Variants in TMEM198 observed in about 807,000 individuals in gnomAD.
TMEM198 encodes the protein transmembrane protein 198.
In TMEM198, 21 loss-of-function variants were observed where a neutral mutation model predicts 31.5. The ratio of observed to expected loss-of-function variants is 0.67; its 90% CI spans 0.47 to 0.96. The LOEUF (loss-of-function observed/expected upper bound fraction) is 0.96, where lower values mean the gene tolerates loss of function less well. Among genes scored for constraint, TMEM198 ranks in the 40% least tolerant of loss-of-function variants. TMEM198 has a pLI of 0.00. For missense variants in TMEM198, 447 were observed against 499.4 expected, an observed-to-expected ratio of 0.89 and a Z score of 1.00; for synonymous variants, 211 against 223.3, an observed-to-expected ratio of 0.95 and a Z score of 0.49.
Position 219,547,558 on chromosome 2 carries a change from G to A in TMEM198, c.219G>A (p.Ser73=), listed in dbSNP as rs201830849. The part of the protein sequence containing the change: ...VLFLTGLLFG[S]VVIFLLCYRE... ...TTCTCACTGGGTTGCTGTTTGGCTC[G>A]GTGGTCATCTTCCTCCTCTGCTACC... Residue 73 remains serine (S), a synonymous_variant, in exon 3 of 5, where the codon TCG becomes TCA. Transcript: ENST00000373883. The A allele has an allele frequency of 8.2e-6, 12 of 1,461,432 alleles. No homozygotes were observed. The highest frequency in any genetic ancestry group is 2.9e-5 in the African/African-American group (2 of 69,050). The allele number at this position is 1,461,432 out of a possible 1,614,324, so 90.5% of individuals were successfully genotyped here. A position where few individuals can be genotyped will look rare whatever the true frequency, so the allele number is the denominator to read the frequency against.
chr2:219,549,982 T>C lies in TMEM198; in HGVS notation c.*128T>C, dbSNP rs868260033. ...GCCTGGAGAGGGCTGGCCTGGTCAC[T>C]AGAAGGGAGGATTGTCTCAGGCGAG... On this transcript the variant is annotated 3_prime_UTR_variant, in exon 5 of 5. Coordinates refer to ENST00000373883, the MANE Select transcript of TMEM198 (RefSeq NM_001005209.3). The C allele has an allele frequency of 6.2e-5, 78 of 1,260,456 alleles. 1 individual carries two copies. The Middle Eastern group carries it at 1.1e-3, about 17-fold the overall frequency. The allele number at this position is 1,260,456 out of a possible 1,614,324, so 78.1% of individuals were successfully genotyped here. A position where few individuals can be genotyped will look rare whatever the true frequency, so the allele number is the denominator to read the frequency against.
At chr2:219,549,448 C>G in intron 4 of TMEM198, 94 bp downstream of exon 4, 1 of 1,432,536 alleles carries the variant, frequency 7.0e-7, no homozygotes, top group Non-Finnish European at 9.4e-7. Flanking sequence ...TGGTTGCTAT[C>G]TAGAAGGCCT....
rs548504820 is a variant in TMEM198 at position 219,550,063 on chromosome 2, C to T, written c.*209C>T. On this transcript the variant is annotated 3_prime_UTR_variant, in exon 5 of 5. Transcript: ENST00000373883. ...GCTCCCAAGAGGCTCCTGAGGAACT[C>T]GGGGTGTGAACCCCATTGGGGTGTG... 2.8e-5 allele frequency: 18 copies of T among 634,174 alleles called. No homozygotes were observed. Among genetic ancestry groups the T allele is most frequent in the South Asian group, 2.0e-4 (9 of 44,584 alleles). The allele number at this position is 634,174 out of a possible 1,614,324, so 39.3% of individuals were successfully genotyped here.
upstream of TMEM198, chr2:219,543,786 C>G: frequency 2.2e-6 from 1 of 457,116 alleles, no homozygotes. Flanking sequence ...CAGCCGCGGC[C>G]GCAGCTGTCC....
In TMEM198 at chr2:219,548,097, C is replaced by A. The variant is rs1261884086; in HGVS notation, c.742+16C>A. The A allele has an allele frequency of 1.3e-6, 2 of 1,515,246 alleles. No homozygotes were observed. The highest frequency in any genetic ancestry group is 2.5e-5 in the South Asian group (2 of 78,710). 93.9% of individuals were successfully genotyped at this position (1,515,246 alleles called of 1,614,324 possible). ...CACACGGAAGGTAAGGGGGCACAGG[C>A]CAAGGTGGACATGAGAGGAGTGGGT... On this transcript the variant is annotated intron_variant, in intron 3 of 4. Coordinates refer to ENST00000373883, the MANE Select transcript of TMEM198 (RefSeq NM_001005209.3).
intron 2 of TMEM198, among the ~76,000 whole-genome samples, chr2:219,546,795 T>TG: frequency 6.6e-6 from 1 of 150,758 alleles, no homozygotes; most frequent in South Asian, 2.1e-4. Context: ...TTTTTTTTTT[T>TG]GAGACAAGAG....
In TMEM198 at chr2:219,547,538, A is replaced by G; in HGVS notation, c.199A>G (p.Thr67Ala). Residue 67 changes from threonine to alanine, a missense_variant, in exon 3 of 5, where the codon ACT becomes GCT. Transcript: ENST00000373883. ...YRCFKAVLFL[T>A]GLLFGSVVIF... Reference sequence around the variant, plus strand: ...CTGCTTCAAGGCAGTGCTCTTTCTCACTGGGTTGCTGTTTGGCTCGGTGGT... The same window carrying G: ...CTGCTTCAAGGCAGTGCTCTTTCTCGCTGGGTTGCTGTTTGGCTCGGTGGT... 1 of 1,444,376 alleles carries G rather than the reference A, an allele frequency of 6.9e-7. No homozygotes were observed. Among genetic ancestry groups the G allele is most frequent in the Non-Finnish European group, 9.1e-7 (1 of 1,095,458 alleles). 89.5% of individuals were successfully genotyped at this position (1,444,376 alleles called of 1,614,324 possible).
upstream of TMEM198, chr2:219,543,768 T>C: frequency 2.2e-6 from 1 of 464,304 alleles, no homozygotes; most frequent in Non-Finnish European, 3.8e-6. Context: ...CGCTCGGCAC[T>C]GGAGCCTCAG....
chr2:219,544,912 C>A lies in TMEM198; in HGVS notation c.166+19C>A. 1 of 1,609,370 alleles carries A rather than the reference C, an allele frequency of 6.2e-7. No homozygotes were observed. The highest frequency in any genetic ancestry group is 2.2e-5 in the East Asian group (1 of 44,748). ...TTCTTCGGTGAGATCCCCATCTCAT[C>A]CCTCACCTGGGCTCCCCAGTGTTTC... On this transcript the variant is annotated intron_variant, in intron 2 of 4. Transcript: ENST00000373883.
intron 2 of TMEM198, 32 bp downstream of exon 2, chr2:219,544,925 TC>T: frequency 1.2e-6 from 2 of 1,602,604 alleles, no homozygotes; most frequent in Middle Eastern, 1.7e-4. Flanking sequence ...TCACCTGGGC[TC>T]CCCAGTGTTT....
At chr2:219,544,000 C>T (rs1258747744), upstream of TMEM198, 3 of 355,274 alleles carry the variant, frequency 8.4e-6, no homozygotes, top group Non-Finnish European at 1.7e-5. Context: ...GCAGCCCGCC[C>T]CTGCCTGGAT....
At position 219,544,146 on chromosome 2, in the gene TMEM198, G is replaced by A; in HGVS notation, c.-271G>A. 2.2e-6 allele frequency: 1 copy of A among 457,316 alleles called. No individual in the cohort carries two copies. The highest frequency in any genetic ancestry group is 1.6e-5 in the South Asian group (1 of 64,490). The allele number at this position is 457,316 out of a possible 1,614,324, so 28.3% of individuals were successfully genotyped here. A position where few individuals can be genotyped will look rare whatever the true frequency, so the allele number is the denominator to read the frequency against. The stretch of plus-strand genomic sequence containing the variant: ...GCTCCTGCGCCTTCCCCTTCCTCAG[G>A]CCCAGCCCGAGTTCCCGGACGCCGC... On this transcript the variant is annotated 5_prime_UTR_variant, in exon 1 of 5. Transcript: ENST00000373883.
intron 2 of TMEM198, among the ~76,000 whole-genome samples, chr2:219,547,052 ACGCCCGGCC>A: frequency 6.6e-6 from 1 of 151,844 alleles, no homozygotes; most frequent in East Asian, 1.9e-4. Flanking sequence ...TGCTGCCACC[ACGCCCGGCC>A]CTCGAGTTTA....
chr2:219,547,738 C>T lies in TMEM198; in HGVS notation c.399C>T (p.Ala133=), dbSNP rs753399724. Residue 133 remains alanine, a synonymous_variant, in exon 3 of 5, where the codon GCC becomes GCT. Coordinates refer to ENST00000373883, the MANE Select transcript of TMEM198 (RefSeq NM_001005209.3). ...LLLGLLLAAA[A]LLGSAPYYQP... is the part of the protein sequence containing the mutation. ...TCGGCCTGCTGCTCGCAGCTGCTGC[C>T]CTGCTGGGCTCCGCACCCTACTACC... 4.9e-5 allele frequency: 78 copies of T among 1,591,552 alleles called. No homozygotes were observed. In the Middle Eastern group the frequency reaches 1.0e-3, roughly 21 times the overall value.
chr2:219,544,495 C>T, intron 1 of TMEM198, 118 bp downstream of exon 1: 1 of 601,362 alleles, frequency 1.7e-6, no homozygotes, highest in South Asian at 1.9e-5. Context: ...TTAACTTCAT[C>T]CCAGCCTCCA....
In TMEM198 at chr2:219,550,094, G is replaced by C; in HGVS notation, c.*240G>C. ...GTGAACCCCATTGGGGTGTGCTCAG[G>C]GTTGTGAGTGTGTTGCCCGTGTGTC... is the stretch of plus-strand genomic sequence containing the variant. On this transcript the variant is annotated 3_prime_UTR_variant, in exon 5 of 5. Transcript: ENST00000373883. 1 of 513,314 alleles carries C rather than the reference G, an allele frequency of 1.9e-6. No individual in the cohort carries two copies. Among genetic ancestry groups the C allele is most frequent in the Non-Finnish European group, 3.4e-6 (1 of 290,680 alleles). The allele number at this position is 513,314 out of a possible 1,614,324, so 31.8% of individuals were successfully genotyped here.
In TMEM198 at chr2:219,548,117, G is replaced by A; in HGVS notation, c.742+36G>A. On this transcript the variant is annotated intron_variant, in intron 3 of 4. Coordinates refer to ENST00000373883, the MANE Select transcript of TMEM198 (RefSeq NM_001005209.3). ...ACAGGCCAAGGTGGACATGAGAGGA[G>A]TGGGTGGCCAGGGATGGGTTGGGGG... 2.7e-6 allele frequency: 4 copies of A among 1,477,380 alleles called. No homozygotes were observed. The South Asian group carries it at 5.4e-5, about 20-fold the overall frequency. The allele number at this position is 1,477,380 out of a possible 1,614,324, so 91.5% of individuals were successfully genotyped here.
rs201092352 is a variant in TMEM198 at position 219,547,626 on chromosome 2, C to T, written c.287C>T (p.Ala96Val). Residue 96 changes from alanine to valine, a missense_variant, in exon 3 of 5, where the codon GCG becomes GTG. Ala to Val is a moderately conservative substitution (Grantham distance 64, BLOSUM62 0). Coordinates refer to ENST00000373883, the MANE Select transcript of TMEM198 (RefSeq NM_001005209.3). ...LETQLSAGAS[A>V]GIALGIGLLC... is the part of the protein sequence containing the mutation. ...ACACAGCTGAGTGCTGGGGCGAGCG[C>T]GGGCATCGCTCTGGGCATCGGGCTG... 7.6e-5 allele frequency: 115 copies of T among 1,513,396 alleles called. No individual in the cohort carries two copies. Among genetic ancestry groups the T allele is most frequent in the Non-Finnish European group, 9.6e-5 (109 of 1,129,722 alleles). The allele number at this position is 1,513,396 out of a possible 1,614,324, so 93.7% of individuals were successfully genotyped here.
chr2:219,549,713 A>T lies in TMEM198; in HGVS notation c.946-4A>T. Reference sequence around the variant, plus strand: ...GACTCACACCTATGTTTGCTCCCCCACAGAGCTATATCCAGAGCTTCCGAG... The same window carrying T: ...GACTCACACCTATGTTTGCTCCCCCTCAGAGCTATATCCAGAGCTTCCGAG... On this transcript the variant is annotated splice_region_variant and splice_polypyrimidine_tract_variant and intron_variant, in intron 4 of 4. Transcript: ENST00000373883. The T allele has an allele frequency of 6.2e-7, 1 of 1,613,436 alleles. No homozygotes were observed. The highest frequency in any genetic ancestry group is 8.5e-7 in the Non-Finnish European group (1 of 1,179,712).
Sources: allele counts gnomAD v4.1 joint callset (sites outside exome capture counted in the v4.1 genomes callset), GRCh38; gene constraint gnomAD v4.1.1; transcripts MANE v1.5; gene names NCBI Gene and HGNC (gene_info 2026-07-23, HGNC 2026-07-21).